MAPT: variants seen among roughly 807,000 people sequenced by gnomAD.
The protein encoded by MAPT is microtubule associated protein tau, also known as microtubule-associated protein tau.
Under a neutral mutation model 67.9 loss-of-function variants are expected in MAPT, and 34 were observed. That is an observed-to-expected ratio of 0.50 (90% CI 0.38 to 0.67). MAPT has a LOEUF of 0.67. Among genes scored for constraint, MAPT ranks in the 30% least tolerant of loss-of-function variants. The probability of loss-of-function intolerance (pLI) is 0.00; values close to 1 mark genes in which losing one functional copy is unlikely to be tolerated. For synonymous variants in MAPT, 456 were observed against 464.5 expected (o/e 0.98, Z 0.23); for missense variants, 881 against 1,115.2 (o/e 0.79, Z 2.99).
chr17:45,912,635 G>A (rs2144176815), intron 1 of MAPT, among the ~76,000 whole-genome samples: 1 of 152,200 alleles, frequency 6.6e-6, no homozygotes, highest in East Asian at 1.9e-4. Flanking sequence ...CTTCAGAAGT[G>A]TGAGGGAATG....
chr17:45,990,030 C>T lies in MAPT; in HGVS notation c.1560C>T (p.Val520=). 1 of 1,614,190 alleles carries T rather than the reference C, an allele frequency of 6.2e-7. No individual in the cohort carries two copies. Among genetic ancestry groups the T allele is most frequent in the Non-Finnish European group, 8.5e-7 (1 of 1,180,038 alleles). The part of the protein sequence containing the change: ...PPSSPKYVSS[V]TSRTGSSGAK... Reference sequence around the variant, plus strand: ...CCTCTCCTAAATACGTCTCTTCTGTCACTTCCCGAACTGGCAGTTCTGGAG... The same window carrying T: ...CCTCTCCTAAATACGTCTCTTCTGTTACTTCCCGAACTGGCAGTTCTGGAG... The change falls in exon 7 of 13, where the codon GTC becomes GTT. Residue 520 remains valine (V), a synonymous_variant. Transcript: ENST00000262410.
At chr17:45,983,952 G>C in intron 5 of MAPT, 22 bp downstream of exon 5, 1 of 1,526,820 alleles carries the variant, frequency 6.5e-7, no homozygotes, top group Non-Finnish European at 8.8e-7. Flanking sequence ...GAGCTTCTTC[G>C]CTCCTTCCCT....
intron 9 of MAPT, among the ~76,000 whole-genome samples, chr17:45,999,897 C>T (rs1451398844): frequency 6.6e-6 from 1 of 152,172 alleles, no homozygotes; most frequent in Non-Finnish European, 1.5e-5. Flanking sequence ...AAGACCAACA[C>T]ATGAATCTCC....
intron 9 of MAPT, among the ~76,000 whole-genome samples, chr17:46,004,825 C>G (rs1235595338): frequency 6.6e-6 from 1 of 152,114 alleles, no homozygotes; most frequent in African/African-American, 2.4e-5. Context: ...ACTCTGTCGC[C>G]CAGGCTGGAG....
chr17:45,982,330 A>G (rs2073055416), intron 4 of MAPT, among the ~76,000 whole-genome samples: 1 of 107,146 alleles, frequency 9.3e-6, no homozygotes, highest in Admixed American at 1.3e-4. Context: ...TCAAACCAAA[A>G]AAAAGGGGTG....
intron 4 of MAPT, among the ~76,000 whole-genome samples, chr17:45,981,572 T>C (rs549907654): frequency 6.6e-6 from 1 of 152,188 alleles, no homozygotes; most frequent in Non-Finnish European, 1.5e-5. Context: ...GTCAGTGACC[T>C]GGATAGATCT....
intron 4 of MAPT, among the ~76,000 whole-genome samples, chr17:45,982,147 C>G (rs2073034718): frequency 6.6e-6 from 1 of 151,478 alleles, no homozygotes; most frequent in African/African-American, 2.4e-5. Flanking sequence ...CATGGTGAAA[C>G]CCCGTTTCTA....
chr17:45,961,995 G>A (rs1598166609), intron 1 of MAPT, among the ~76,000 whole-genome samples: 2 of 152,098 alleles, frequency 1.3e-5, no homozygotes, highest in African/African-American at 4.8e-5. Context: ...GGCTGGTCTC[G>A]ATCCCCTGAC....
intron 1 of MAPT, among the ~76,000 whole-genome samples, chr17:45,954,520 G>A (rs561921830): frequency 5.8e-4 from 88 of 152,314 alleles, no homozygotes; most frequent in African/African-American, 2.0e-3. Flanking sequence ...CCACTCGGGA[G>A]ACTGAGGTGG....
At chr17:45,959,141 C>T (rs1204482088) in intron 1 of MAPT, among the ~76,000 whole-genome samples, 1 of 152,118 alleles carries the variant, frequency 6.6e-6, no homozygotes, top group Non-Finnish European at 1.5e-5. Flanking sequence ...TTTTTTAGAG[C>T]ACTTTTAGGT....
Position 46,018,647 on chromosome 17 carries a change from A to G in MAPT, c.2203A>G (p.Lys735Glu). 6.2e-7 allele frequency: 1 copy of G among 1,614,140 alleles called. No homozygotes were observed. The highest frequency in any genetic ancestry group is 8.5e-7 in the Non-Finnish European group (1 of 1,179,984). Reference protein sequence around the residue: ...GGGQVEVKSEKLDFKDRVQSK... With the variant: ...GGGQVEVKSEELDFKDRVQSK... ...TGGCCAGGTGGAAGTAAAATCTGAG[A>G]AGCTTGACTTCAAGGACAGAGTCCA... The change falls in exon 12 of 13, where the codon AAG (lysine) becomes GAG (glutamate). Residue 735 changes from lysine to glutamate, a missense_variant. By Grantham distance (56) the Lys-to-Glu change is moderately conservative. Around this residue, in one of 6 missense-constraint regions of MAPT, gnomAD observed 79 missense variants for 150.9 expected, o/e 0.52. Coordinates refer to ENST00000262410, the MANE Select transcript of MAPT (RefSeq NM_001377265.1).
chr17:45,929,904 C>T (rs2066687621), intron 1 of MAPT, among the ~76,000 whole-genome samples: 1 of 152,144 alleles, frequency 6.6e-6, no homozygotes, highest in African/African-American at 2.4e-5. Flanking sequence ...GAAGTTCAGG[C>T]TCCCAGGGGA....
chr17:45,990,963 G>A (rs2074012224), intron 7 of MAPT, among the ~76,000 whole-genome samples: 1 of 152,148 alleles, frequency 6.6e-6, no homozygotes, highest in African/African-American at 2.4e-5. Context: ...GAGGCCTTAG[G>A]GTTGTTTGCG....
At chr17:45,901,357 G>A (rs751419747) in intron 1 of MAPT, among the ~76,000 whole-genome samples, 29 of 152,202 alleles carry the variant, frequency 1.9e-4, no homozygotes, top group Non-Finnish European at 7.3e-5. Context: ...AAAAGTGAGG[G>A]CTGATCGAGA....
chr17:46,015,292 A>G (rs1417069955), intron 11 of MAPT, among the ~76,000 whole-genome samples: 5 of 149,956 alleles, frequency 3.3e-5, no homozygotes, highest in South Asian at 2.2e-4. Context: ...CCTGGGAGGC[A>G]GAGGTTGCAG....
chr17:46,010,171 C>G lies in MAPT; in HGVS notation c.1999-139C>G. 1 of 716,414 alleles carries G rather than the reference C, an allele frequency of 1.4e-6. No individual in the cohort carries two copies. The highest frequency in any genetic ancestry group is 2.6e-6 in the Non-Finnish European group (1 of 390,664). 44.4% of individuals were successfully genotyped at this position (716,414 alleles called of 1,614,324 possible). ...CTCCCCAGACTGCCTCTGCCAAGTC[C>G]GAAAGTGGAGGCATCCTTGCGAGCA... On this transcript the variant is annotated intron_variant, in intron 9 of 12. Coordinates refer to ENST00000262410, the MANE Select transcript of MAPT (RefSeq NM_001377265.1). This position sits in a 1 kb window ranked among gnomAD's most constrained non-coding sequence, Gnocchi z 4.7.
intron 1 of MAPT, among the ~76,000 whole-genome samples, chr17:45,911,247 C>T (rs527999923): frequency 5.9e-5 from 9 of 152,278 alleles, no homozygotes; most frequent in East Asian, 3.9e-4. Context: ...TCTTCTGTGC[C>T]GGGCATAGCG....
intron 1 of MAPT, among the ~76,000 whole-genome samples, chr17:45,923,273 C>G (rs1419390959): frequency 6.6e-6 from 1 of 152,166 alleles, no homozygotes; most frequent in East Asian, 1.9e-4. Flanking sequence ...CCCTGCCTTC[C>G]AGGAGCCTTT....
intron 1 of MAPT, among the ~76,000 whole-genome samples, chr17:45,921,781 GA>G (rs1170803751): frequency 6.6e-6 from 1 of 152,188 alleles, no homozygotes; most frequent in Non-Finnish European, 1.5e-5. Flanking sequence ...ATTCAAGCTA[GA>G]CTTCAGGAAT....
Sources: gnomAD v4.1 joint callset for allele counts (sites outside exome capture counted in the v4.1 genomes callset) on GRCh38, gnomAD v4.1.1 for gene constraint, gnomAD v4.1.1 regional missense constraint, Gnocchi (gnomAD v3.1) non-coding constraint, MANE v1.5 for transcripts, NCBI Gene and HGNC (gene_info 2026-07-23, HGNC 2026-07-21) for gene names.